The following FCHSD2 variants were observed in gnomAD, a reference collection of about 807,000 sequenced individuals.
FCHSD2 encodes FCH and double SH3 domains 2.
Under a neutral mutation model 108.1 loss-of-function variants are expected in FCHSD2, and 38 were observed. The observed-to-expected ratio is 0.35, with a 90% CI of 0.27 to 0.46. The LOEUF (loss-of-function observed/expected upper bound fraction) is 0.46. FCHSD2 is among the 20% of genes least tolerant of loss of function. The pLI is 1.00. For missense variants in FCHSD2, 751 were observed against 897.8 expected (o/e 0.84, Z 2.09); for synonymous variants, 279 against 314.7 (o/e 0.89, Z 1.20).
In FCHSD2 at chr11:72,836,965, A is replaced by C. The variant is rs1860747387; in HGVS notation, c.*1826T>G. 6.6e-6 allele frequency: 1 copy of C among 152,550 alleles called. No individual in the cohort carries two copies. Among genetic ancestry groups the C allele is most frequent in the South Asian group, 2.1e-4 (1 of 4,830 alleles). The allele number at this position is 152,550 out of a possible 1,614,324, so 9.4% of individuals were successfully genotyped here. A position where few individuals can be genotyped will look rare whatever the true frequency, so the allele number is the denominator to read the frequency against. On this transcript the variant is annotated 3_prime_UTR_variant, in exon 20 of 20. Coordinates refer to ENST00000409418, the MANE Select transcript of FCHSD2 (RefSeq NM_014824.3). Reference sequence around the variant, plus strand: ...AATAAAATTAGCAGCTCTTCCAAAAAATATTTTAAAATACAACAAAAGATT... The same window carrying C: ...AATAAAATTAGCAGCTCTTCCAAAACATATTTTAAAATACAACAAAAGATT...
intron 3 of FCHSD2, among the ~76,000 whole-genome samples, chr11:73,065,175 C>T (rs1859261956): frequency 6.6e-6 from 1 of 152,210 alleles, no homozygotes; most frequent in South Asian, 2.1e-4. Context: ...AAATCAGCTT[C>T]ATACCTGGGA....
chr11:72,928,589 C>T (rs1456238006), intron 8 of FCHSD2, among the ~76,000 whole-genome samples: 1 of 152,168 alleles, frequency 6.6e-6, no homozygotes. Context: ...ACAAAACTGA[C>T]TCAACTAGCT....
At chr11:73,113,380 T>C (rs1363791318) in intron 2 of FCHSD2, among the ~76,000 whole-genome samples, 1 of 134,830 alleles carries the variant, frequency 7.4e-6, no homozygotes, top group African/African-American at 2.9e-5. Flanking sequence ...TTTTTTTTTT[T>C]TTTTCTGAGA....
At chr11:72,896,895 C>T (rs946634941) in intron 10 of FCHSD2, among the ~76,000 whole-genome samples, 8 of 151,634 alleles carry the variant, frequency 5.3e-5, no homozygotes, top group Admixed American at 1.3e-4. Context: ...GGCGCGATCT[C>T]GGCTCACTGC....
intron 10 of FCHSD2, among the ~76,000 whole-genome samples, chr11:72,891,491 T>A (rs890973191): frequency 6.6e-6 from 1 of 152,174 alleles, no homozygotes. Context: ...TTATCAGAAG[T>A]TTGGGAATGA....
rs1591461860 is a variant in FCHSD2, at chr11:72,989,030, T to C, written c.455A>G (p.Lys152Arg). 2.5e-6 allele frequency: 4 copies of C among 1,611,322 alleles called. No homozygotes were observed. Among genetic ancestry groups the C allele is most frequent in the African/African-American group, 2.7e-5 (2 of 74,920 alleles). ...CTGTTCAGTCTCAAAGTATTTCTTT[T>C]TGCCTTTAGCTAAATCTTTCACTGT... ...QETVKDLAKG[K>R]KKYFETEQMA... The change falls in exon 6 of 20, where the codon AAA becomes AGA. Residue 152 changes from lysine to arginine, a missense_variant. Transcript: ENST00000409418.
chr11:72,880,857 T>C (rs1216812217), intron 12 of FCHSD2, among the ~76,000 whole-genome samples: 2 of 143,464 alleles, frequency 1.4e-5, no homozygotes, highest in Non-Finnish European at 3.1e-5. Context: ...GACAGAGTGA[T>C]ACCCTGTCTC....
chr11:73,008,105 G>A (rs1857781794), intron 4 of FCHSD2, among the ~76,000 whole-genome samples: 1 of 152,150 alleles, frequency 6.6e-6, no homozygotes. Context: ...TTGAGAGGCT[G>A]AGGCAGGCAG....
intron 2 of FCHSD2, among the ~76,000 whole-genome samples, chr11:73,123,035 A>T (rs1239118822): frequency 2.0e-5 from 3 of 152,156 alleles, no homozygotes. Flanking sequence ...ACCACAAAAT[A>T]ATTAATTTTA....
At chr11:72,942,017 G>A (rs1295708669) in intron 8 of FCHSD2, among the ~76,000 whole-genome samples, 1 of 152,150 alleles carries the variant, frequency 6.6e-6, no homozygotes, top group Non-Finnish European at 1.5e-5. Context: ...ACATGTAAAG[G>A]CAGTGATACA....
intron 2 of FCHSD2, among the ~76,000 whole-genome samples, chr11:73,127,057 T>TA (rs1423204486): frequency 6.6e-6 from 1 of 151,688 alleles, no homozygotes; most frequent in East Asian, 1.9e-4. Flanking sequence ...ACAAAAAGAG[T>TA]CTCTGTCCCT....
chr11:72,910,118 G>A (rs547646169), intron 9 of FCHSD2, among the ~76,000 whole-genome samples: 10 of 149,786 alleles, frequency 6.7e-5, no homozygotes, highest in African/African-American at 2.0e-4. Flanking sequence ...CCCATCGTCT[G>A]GGAAGTGAGG....
intron 4 of FCHSD2, among the ~76,000 whole-genome samples, chr11:73,013,610 C>CTATA (rs1332184456): frequency 6.6e-6 from 1 of 152,146 alleles, no homozygotes; most frequent in Non-Finnish European, 1.5e-5. Context: ...ACCTGGTTTC[C>CTATA]TATAGTATAA....
intron 2 of FCHSD2, among the ~76,000 whole-genome samples, chr11:73,119,613 AT>A (rs1307381247): frequency 2.6e-5 from 4 of 151,864 alleles, no homozygotes; most frequent in African/African-American, 9.7e-5. Context: ...TACCTGGCTA[AT>A]TTTTTTTATT....
At chr11:73,138,576 T>C (rs926833061) in intron 2 of FCHSD2, among the ~76,000 whole-genome samples, 1 of 151,946 alleles carries the variant, frequency 6.6e-6, no homozygotes, top group Non-Finnish European at 1.5e-5. Flanking sequence ...TTTAACCATG[T>C]CAAGAGTTTC....
intron 2 of FCHSD2, among the ~76,000 whole-genome samples, chr11:73,133,464 C>A (rs1591581937): frequency 1.3e-5 from 2 of 152,222 alleles, no homozygotes; most frequent in Middle Eastern, 6.8e-3. Context: ...GATACTACAA[C>A]CTGATGAATC....
chr11:73,031,852 A>T (rs1482419797), intron 3 of FCHSD2, among the ~76,000 whole-genome samples: 5 of 152,224 alleles, frequency 3.3e-5, no homozygotes, highest in Non-Finnish European at 7.4e-5. Context: ...AACAAGTTTT[A>T]TTAAGTGCTT....
chr11:73,040,583 C>T (rs1336021217), intron 3 of FCHSD2, among the ~76,000 whole-genome samples: 1 of 152,078 alleles, frequency 6.6e-6, no homozygotes, highest in Non-Finnish European at 1.5e-5. Context: ...AACAAACTTT[C>T]GGTTTTACAA....
chr11:72,847,758 T>C (rs1861185415), intron 14 of FCHSD2, among the ~76,000 whole-genome samples: 1 of 149,294 alleles, frequency 6.7e-6, no homozygotes, highest in African/African-American at 2.5e-5. Context: ...AATGGTGCGA[T>C]CTTGGCTCAC....
Sources: gnomAD v4.1 joint callset for allele counts (sites outside exome capture counted in the v4.1 genomes callset) on GRCh38, gnomAD v4.1.1 for gene constraint, MANE v1.5 for transcripts, NCBI Gene and HGNC (gene_info 2026-07-23, HGNC 2026-07-21) for gene names.